Variants in PRKCA observed in about 807,000 individuals in gnomAD.
The protein encoded by PRKCA is protein kinase C alpha.
Under a neutral mutation model 87.0 loss-of-function variants are expected in PRKCA, and 27 were observed. The observed-to-expected ratio is 0.31, with a 90% confidence interval of 0.23 to 0.43. The LOEUF (loss-of-function observed/expected upper bound fraction) is 0.43. Among genes scored for constraint, PRKCA ranks in the 20% least tolerant of loss-of-function variants. The pLI, the probability that PRKCA is intolerant of heterozygous loss-of-function variation, is 1.00. For synonymous variants in PRKCA, 329 were observed against 311.1 expected (o/e 1.06, Z -0.61); for missense variants, 518 against 852.3 (o/e 0.61, Z 4.88).
chr17:66,352,975 A>G (rs977883577), intron 2 of PRKCA, among the ~76,000 whole-genome samples: 3 of 152,170 alleles, frequency 2.0e-5, no homozygotes, highest in African/African-American at 4.8e-5. Context: ...TTATATTTCT[A>G]TGTATTTCTT....
At chr17:66,715,716 T>C (rs1201251756) in intron 8 of PRKCA, among the ~76,000 whole-genome samples, 1 of 152,204 alleles carries the variant, frequency 6.6e-6, no homozygotes, top group African/African-American at 2.4e-5. Flanking sequence ...ATTCAGGTCA[T>C]CTACTATAAA....
chr17:66,440,084 G>C (rs1270569790), intron 2 of PRKCA, among the ~76,000 whole-genome samples: 1 of 152,188 alleles, frequency 6.6e-6, no homozygotes, highest in South Asian at 2.1e-4. Context: ...GTTGCTTACT[G>C]TAGGCTTTGA....
chr17:66,342,273 TCAGGTGGACGTGGTGGCG>T (rs1322585814), intron 2 of PRKCA, among the ~76,000 whole-genome samples: 1 of 151,548 alleles, frequency 6.6e-6, no homozygotes, highest in African/African-American at 2.4e-5. Flanking sequence ...AATACAAAAA[TCAGGTGGACGTGGTGGCG>T]CATGCCTGTC....
At chr17:66,459,324 G>A (rs183795036) in intron 2 of PRKCA, among the ~76,000 whole-genome samples, 405 of 152,196 alleles carry the variant, frequency 2.7e-3, no homozygotes, top group Middle Eastern at 0.02. Flanking sequence ...GAGGCTGCAC[G>A]GAGCCATGAT....
At chr17:66,644,223 G>A (rs1971391909) in intron 4 of PRKCA, among the ~76,000 whole-genome samples, 1 of 152,194 alleles carries the variant, frequency 6.6e-6, no homozygotes, top group Non-Finnish European at 1.5e-5. Context: ...TCCTCAGTAT[G>A]TCCATCATTC....
chr17:66,655,027 G>C (rs1971698629), intron 5 of PRKCA, among the ~76,000 whole-genome samples: 1 of 152,194 alleles, frequency 6.6e-6, no homozygotes, highest in Admixed American at 6.5e-5. Context: ...AGTCTTCAAA[G>C]AAACCAAATC....
chr17:66,384,919 T>A (rs12600514), intron 2 of PRKCA, among the ~76,000 whole-genome samples: 1 of 152,288 alleles, frequency 6.6e-6, no homozygotes, highest in Admixed American at 6.5e-5. Flanking sequence ...TGTGAGCCAC[T>A]GCACCTGGCT....
At chr17:66,457,270 C>G (rs1387922597) in intron 2 of PRKCA, among the ~76,000 whole-genome samples, 1 of 152,002 alleles carries the variant, frequency 6.6e-6, no homozygotes, top group African/African-American at 2.4e-5. Context: ...CATGTTTTAC[C>G]TCTACTGAAG....
chr17:66,651,244 A>G (rs1971585403), intron 5 of PRKCA, among the ~76,000 whole-genome samples: 1 of 152,158 alleles, frequency 6.6e-6, no homozygotes, highest in South Asian at 2.1e-4. Flanking sequence ...GTTTCTTTCC[A>G]TTTTCAAAGT....
At chr17:66,763,781 A>G (rs1164227715) in intron 13 of PRKCA, among the ~76,000 whole-genome samples, 1 of 152,158 alleles carries the variant, frequency 6.6e-6, no homozygotes, top group African/African-American at 2.4e-5. Context: ...ACAAAAATGA[A>G]GAGTGAAATC....
chr17:66,391,160 C>T (rs992578972), intron 2 of PRKCA, among the ~76,000 whole-genome samples: 24 of 152,228 alleles, frequency 1.6e-4, no homozygotes, highest in African/African-American at 5.1e-4. Context: ...TGGAGAGCAG[C>T]GGGTGGGAGG....
At chr17:66,408,102 G>A (rs928452141) in intron 2 of PRKCA, among the ~76,000 whole-genome samples, 1 of 152,094 alleles carries the variant, frequency 6.6e-6, no homozygotes, top group Non-Finnish European at 1.5e-5. Flanking sequence ...TATCTCTTTT[G>A]GATAGATGGA....
chr17:66,794,536 T>G (rs537920081), intron 16 of PRKCA, among the ~76,000 whole-genome samples: 427 of 152,038 alleles, frequency 2.8e-3, no homozygotes, highest in Non-Finnish European at 4.6e-3. Context: ...AAAGAACTCC[T>G]GTATTCCTTT....
chr17:66,561,252 G>A (rs1362139713), intron 3 of PRKCA, among the ~76,000 whole-genome samples: 8 of 152,116 alleles, frequency 5.3e-5, no homozygotes, highest in Non-Finnish European at 8.8e-5. Flanking sequence ...TTGTGTTTAC[G>A]GATGGAACTG....
intron 3 of PRKCA, among the ~76,000 whole-genome samples, chr17:66,563,267 G>A (rs776720842): frequency 3.9e-5 from 6 of 152,126 alleles, no homozygotes; most frequent in East Asian, 1.9e-4. Flanking sequence ...GTCATGGCCC[G>A]TATCCACCTT....
rs917930638 is a variant in PRKCA, at chr17:66,464,127, C to A, written c.206-32074C>A. Among the ~76,000 whole-genome samples, 3 of 152,300 alleles carry A rather than the reference C, an allele frequency of 2.0e-5. No homozygotes were observed. In the South Asian group the frequency reaches 6.2e-4, roughly 32 times the overall value. ...AGGATGTCATGTATTTGGAATCCTGCAGCATGTAACCTTTTCAGATTGGCT... is the reference window on the plus strand; with the variant it reads ...AGGATGTCATGTATTTGGAATCCTGAAGCATGTAACCTTTTCAGATTGGCT... On this transcript the variant is annotated intron_variant, in intron 2 of 16. Transcript: ENST00000413366.
intron 16 of PRKCA, among the ~76,000 whole-genome samples, chr17:66,798,375 A>G (rs1460122200): frequency 3.3e-5 from 2 of 60,838 alleles, no homozygotes; most frequent in African/African-American, 6.6e-5. Context: ...CTTTTTCAGT[A>G]GGCGGTGGTG....
At position 66,810,345 on chromosome 17, in the gene PRKCA, A is replaced by C. The variant is rs1304015983; in HGVS notation, c.*6308A>C. 6.6e-6 allele frequency: 1 copy of C among 152,248 alleles called. No homozygotes were observed. Among genetic ancestry groups the C allele is most frequent in the Non-Finnish European group, 1.5e-5 (1 of 68,048 alleles). The allele number at this position is 152,248 out of a possible 1,614,324, so 9.4% of individuals were successfully genotyped here. Reference sequence around the variant, plus strand: ...TTTTGAGTCTAAAGGTTTTCTAAAAATTAACCTCACATCCCTTCTGTTAGG... The same window carrying C: ...TTTTGAGTCTAAAGGTTTTCTAAAACTTAACCTCACATCCCTTCTGTTAGG... On this transcript the variant is annotated 3_prime_UTR_variant, in exon 17 of 17. Transcript: ENST00000413366.
intron 2 of PRKCA, among the ~76,000 whole-genome samples, chr17:66,475,448 C>T (rs996390903): frequency 2.6e-5 from 4 of 152,150 alleles, no homozygotes; most frequent in Non-Finnish European, 5.9e-5. Context: ...TCGAATGATC[C>T]TTATTACTCA....
Sources: allele counts gnomAD v4.1 joint callset (sites outside exome capture counted in the v4.1 genomes callset), GRCh38; gene constraint gnomAD v4.1.1; transcripts MANE v1.5; gene names NCBI Gene and HGNC (gene_info 2026-07-23, HGNC 2026-07-21).